NXN: variants seen among roughly 807,000 people sequenced by gnomAD.
The protein encoded by NXN is nucleoredoxin 1.
Under a neutral mutation model 48.6 loss-of-function variants are expected in NXN, and 16 were observed. The observed-to-expected ratio is 0.33, with a 90% confidence interval of 0.22 to 0.50. The LOEUF (loss-of-function observed/expected upper bound fraction) is 0.50. NXN is among the 20% of genes least tolerant of loss of function. The probability of loss-of-function intolerance (pLI) is 0.98; values close to 1 mark genes in which losing one functional copy is unlikely to be tolerated. For synonymous variants in NXN, 281 were observed against 269.6 expected, an observed-to-expected ratio of 1.04 and a Z score of -0.41; for missense variants, 492 against 605.5, an observed-to-expected ratio of 0.81 and a Z score of 1.97.
intron 1 of NXN, among the ~76,000 whole-genome samples, chr17:957,803 T>C (rs962320807): frequency 6.6e-6 from 1 of 152,048 alleles, no homozygotes; most frequent in Non-Finnish European, 1.5e-5. Context: ...CCAGACTCTC[T>C]TTCTCAGTCC....
At position 805,343 on chromosome 17, in the gene NXN, G is replaced by A. The variant is rs73285764; in HGVS notation, c.821-96C>T. On this transcript the variant is annotated intron_variant, in intron 5 of 7. Coordinates refer to ENST00000336868, the MANE Select transcript of NXN (RefSeq NM_022463.5). ...GGTCCAGCCCGGGGTCCCCCCGACC[G>A]TGGTGGAGCCCACCGAGGACCTGGT... 2.2e-3 allele frequency: 2,961 copies of A among 1,324,500 alleles called. 40 individuals are homozygous for A. In the African/African-American group the frequency reaches 0.028, roughly 12 times the overall value. The allele number at this position is 1,324,500 out of a possible 1,614,324, so 82.0% of individuals were successfully genotyped here. A position where few individuals can be genotyped will look rare whatever the true frequency, so the allele number is the denominator to read the frequency against.
Position 956,699 on chromosome 17 carries a change from G to C in NXN, c.360+22620C>G, listed in dbSNP as rs918155908. Among the ~76,000 whole-genome samples, 3 of 152,230 alleles carry C rather than the reference G, an allele frequency of 2.0e-5. No homozygotes were observed. The highest frequency in any genetic ancestry group is 7.2e-5 in the African/African-American group (3 of 41,452). On this transcript the variant is annotated intron_variant, in intron 1 of 7. Coordinates refer to ENST00000336868, the MANE Select transcript of NXN (RefSeq NM_022463.5). The surrounding 1 kb of genome is among the most constrained non-coding windows in gnomAD (Gnocchi z 4.1). ...CAAAGTGCTGGGATTACAGGCGTGA[G>C]CCACCGCGCCTGGCCAAGAGCTTTT...
chr17:828,527 G>A lies in NXN; in HGVS notation c.361-2449C>T, dbSNP rs998943540. ...AGCGATTCTCTTGCCTCAGCCTCCC[G>A]AGTAGCTGGGATTACAGGCACCCAC... On this transcript the variant is annotated intron_variant, in intron 1 of 7. Transcript: ENST00000336868. 5.3e-5 allele frequency among the ~76,000 whole-genome samples: 8 copies of A among 149,538 alleles called. No homozygotes were observed. In the South Asian group the frequency reaches 1.3e-3, roughly 24 times the overall value.
chr17:902,842 G>A (rs1408316086), intron 1 of NXN, among the ~76,000 whole-genome samples: 2 of 149,122 alleles, frequency 1.3e-5, no homozygotes, highest in South Asian at 2.2e-4. Context: ...GCAATGGCGC[G>A]ATCTCAGCTC....
intron 1 of NXN, among the ~76,000 whole-genome samples, chr17:858,781 C>T (rs1178900189): frequency 6.6e-6 from 1 of 152,106 alleles, no homozygotes. Flanking sequence ...CTACGGCTTA[C>T]ACACGAAGGG....
Position 958,162 on chromosome 17 carries a change from C to G in NXN, c.360+21157G>C, listed in dbSNP as rs1307731842. ...CTCTGTCTTAATCCACTGGACTACC[C>G]TCCCCCTCGTTTGAAAAGGTCACTT... is the stretch of plus-strand genomic sequence containing the variant. On this transcript the variant is annotated intron_variant, in intron 1 of 7. Coordinates refer to ENST00000336868, the MANE Select transcript of NXN (RefSeq NM_022463.5). This position sits in a 1 kb window ranked among gnomAD's most constrained non-coding sequence, Gnocchi z 6.9. Among the ~76,000 whole-genome samples the G allele has an allele frequency of 6.6e-6, 1 of 152,190 alleles. No homozygotes were observed. The highest frequency in any genetic ancestry group is 1.5e-5 in the Non-Finnish European group (1 of 68,038).
chr17:897,438 T>C (rs915016760), intron 1 of NXN, among the ~76,000 whole-genome samples: 2 of 152,032 alleles, frequency 1.3e-5, no homozygotes, highest in African/African-American at 4.8e-5. Flanking sequence ...TAGGGTGGGG[T>C]GCATCCTTAC....
At chr17:854,016 G>A (rs965014564) in intron 1 of NXN, among the ~76,000 whole-genome samples, 5 of 151,932 alleles carry the variant, frequency 3.3e-5, no homozygotes, top group Non-Finnish European at 7.4e-5. Flanking sequence ...CACTGCGCCC[G>A]GCCAATTTCC....
At chr17:954,316 G>A (rs2069143525) in intron 1 of NXN, among the ~76,000 whole-genome samples, 1 of 152,128 alleles carries the variant, frequency 6.6e-6, no homozygotes, top group African/African-American at 2.4e-5. Context: ...TGAAGGTGGA[G>A]GTTGCAGTGA....
At chr17:850,464 C>T (rs540909735) in intron 1 of NXN, among the ~76,000 whole-genome samples, 4 of 152,332 alleles carry the variant, frequency 2.6e-5, no homozygotes, top group Admixed American at 6.5e-5. Context: ...TCCACTGCTC[C>T]GACCTGTGGG....
intron 1 of NXN, among the ~76,000 whole-genome samples, chr17:948,600 C>T (rs1053551711): frequency 2.6e-5 from 4 of 152,052 alleles, no homozygotes; most frequent in African/African-American, 4.8e-5. Context: ...TAAAAGCTCC[C>T]GGGCGACTGA....
Position 979,601 on chromosome 17 carries a change from C to T in NXN, c.78G>A (p.Leu26=). Residue 26 remains leucine, a synonymous_variant, in exon 1 of 8, where the codon CTG becomes CTA. Transcript: ENST00000336868. Reference sequence around the variant, plus strand: ...CCAGCAGCGAGATGCCGCGGGCGCCCAGCGAGTGCACGTCCACCTCCTCGC... The same window carrying T: ...CCAGCAGCGAGATGCCGCGGGCGCCTAGCGAGTGCACGTCCACCTCCTCGC... ...GGGEEVDVHS[L]GARGISLLGL... 1.4e-6 allele frequency: 2 copies of T among 1,455,538 alleles called. No homozygotes were observed. Among genetic ancestry groups the T allele is most frequent in the Non-Finnish European group, 1.8e-6 (2 of 1,103,854 alleles). The allele number at this position is 1,455,538 out of a possible 1,614,324, so 90.2% of individuals were successfully genotyped here.
At chr17:938,708 C>G (rs550233182) in intron 1 of NXN, among the ~76,000 whole-genome samples, 3 of 151,116 alleles carry the variant, frequency 2.0e-5, no homozygotes, top group African/African-American at 7.3e-5. Context: ...AAAACAAAAA[C>G]AAAAAGAAAG....
rs937564382 is a variant in NXN at position 902,408 on chromosome 17, G to A, written c.361-76330C>T. Among the ~76,000 whole-genome samples the A allele has an allele frequency of 2.6e-5, 4 of 152,144 alleles. No individual in the cohort carries two copies. The East Asian group carries it at 5.8e-4, about 22-fold the overall frequency. ...CCTGAAAATCACGGTGAAGGTCCTCGGGACATCTACATCGAGGCAGAAACA... is the reference window on the plus strand; with the variant it reads ...CCTGAAAATCACGGTGAAGGTCCTCAGGACATCTACATCGAGGCAGAAACA... On this transcript the variant is annotated intron_variant, in intron 1 of 7. Transcript: ENST00000336868.
rs1378100651 is a variant in NXN at position 963,805 on chromosome 17, C to T, written c.360+15514G>A. ...AATAAATAAAATGCTGGGCCGGGCG[C>T]GGTGGCTCACGCCTGTCATCCCAGC... On this transcript the variant is annotated intron_variant, in intron 1 of 7. Transcript: ENST00000336868. Among the ~76,000 whole-genome samples the T allele has an allele frequency of 1.4e-4, 22 of 151,982 alleles. 1 individual carries two copies. The highest frequency in any genetic ancestry group is 5.1e-4 in the African/African-American group (21 of 41,344).
At chr17:948,809 C>T (rs2069075910) in intron 1 of NXN, among the ~76,000 whole-genome samples, 1 of 150,474 alleles carries the variant, frequency 6.6e-6, no homozygotes, top group East Asian at 2.0e-4. Context: ...CAGGGCACGG[C>T]CTCCTCCTCT....
intron 1 of NXN, among the ~76,000 whole-genome samples, chr17:840,585 C>T (rs142234058): frequency 0.049 from 7,444 of 152,238 alleles, 491 homozygotes; most frequent in East Asian, 0.32. Flanking sequence ...GTGATCCGCC[C>T]GCCTGGGCCT....
intron 5 of NXN, among the ~76,000 whole-genome samples, chr17:810,644 C>G (rs1327128925): frequency 6.6e-6 from 1 of 152,186 alleles, no homozygotes; most frequent in Non-Finnish European, 1.5e-5. Flanking sequence ...AATCCTGGCA[C>G]TTTGGAAGCC....
At chr17:947,138 C>A (rs779906122) in intron 1 of NXN, among the ~76,000 whole-genome samples, 1 of 152,150 alleles carries the variant, frequency 6.6e-6, no homozygotes, top group African/African-American at 2.4e-5. Context: ...GGCAGCGTCC[C>A]CCTCGGTTAC....
Sources: allele counts gnomAD v4.1 joint callset (sites outside exome capture counted in the v4.1 genomes callset), GRCh38; gene constraint gnomAD v4.1.1; non-coding constraint Gnocchi (gnomAD v3.1); transcripts MANE v1.5; gene names NCBI Gene and HGNC (gene_info 2026-07-23, HGNC 2026-07-21).